SMARCAL1: variants seen among roughly 807,000 people sequenced by gnomAD.
The protein encoded by SMARCAL1 is SNF2 related chromatin remodeling annealing helicase 1.
Under a neutral mutation model 94.5 loss-of-function variants are expected in SMARCAL1, and 58 were observed. That is an observed-to-expected ratio of 0.61 (90% CI 0.50 to 0.76). The LOEUF is 0.76. SMARCAL1 is among the 30% of genes least tolerant of loss of function. The probability of loss-of-function intolerance (pLI) is 0.00; values close to 1 mark genes in which losing one functional copy is unlikely to be tolerated. For synonymous variants in SMARCAL1, 422 were observed against 455.1 expected (o/e 0.93, Z 0.93); for missense variants, 1,051 against 1,177.9 (o/e 0.89, Z 1.58).
At chr2:216,437,626 G>A (rs1284720545) in intron 9 of SMARCAL1, among the ~76,000 whole-genome samples, 3 of 152,110 alleles carry the variant, frequency 2.0e-5, no homozygotes, top group Non-Finnish European at 4.4e-5. Context: ...CAGAGAGGTG[G>A]TTGCTCAGAG....
intron 8 of SMARCAL1, among the ~76,000 whole-genome samples, chr2:216,433,588 G>A (rs1574457338): frequency 6.6e-6 from 1 of 152,178 alleles, no homozygotes; most frequent in East Asian, 1.9e-4. Context: ...TTTGCACTCT[G>A]TAGAGGGGGG....
chr2:216,444,536 A>G (rs1048703036), intron 10 of SMARCAL1, among the ~76,000 whole-genome samples: 2 of 152,144 alleles, frequency 1.3e-5, no homozygotes, highest in African/African-American at 4.8e-5. Context: ...TTTTTGAGAC[A>G]GAGTTTCACT....
intron 10 of SMARCAL1, among the ~76,000 whole-genome samples, chr2:216,439,733 A>G (rs957006092): frequency 1.3e-5 from 2 of 152,204 alleles, no homozygotes; most frequent in Non-Finnish European, 2.9e-5. Flanking sequence ...GGGTCATGTC[A>G]TGTGCCAAAC....
At chr2:216,450,752 G>A in intron 11 of SMARCAL1, 94 bp from the exon 12 acceptor site, 1 of 943,888 alleles carries the variant, frequency 1.1e-6, no homozygotes, top group Non-Finnish European at 1.7e-6. Context: ...GCCAGGGGTG[G>A]TTGTGAGAAG....
At chr2:216,432,915 G>A (rs1229488472) in intron 8 of SMARCAL1, 47 bp downstream of exon 8, 1 of 1,609,474 alleles carries the variant, frequency 6.2e-7, no homozygotes, top group Non-Finnish European at 8.5e-7. Context: ...GTTTTCTTCA[G>A]TGTTAGAGTC....
intron 10 of SMARCAL1, among the ~76,000 whole-genome samples, chr2:216,438,997 G>A (rs111767656): frequency 3.7e-3 from 569 of 152,266 alleles, no homozygotes; most frequent in Admixed American, 8.6e-3. Context: ...AAGGGCTGGC[G>A]GGGTCAGCGA....
intron 17 of SMARCAL1, 139 bp downstream of exon 17, chr2:216,478,438 C>G (rs1695135059): frequency 1.4e-6 from 1 of 731,548 alleles, no homozygotes; most frequent in Admixed American, 1.9e-5. Context: ...CAATGGCCTG[C>G]AGTCATTCTC....
chr2:216,446,943 C>T (rs771115079), intron 10 of SMARCAL1, 75 bp from the exon 11 acceptor site: 11 of 1,588,324 alleles, frequency 6.9e-6, no homozygotes, highest in Non-Finnish European at 9.5e-6. Context: ...CAGCTCCTCC[C>T]TCACTGGGGC....
chr2:216,463,656 T>G (rs1694758887), intron 12 of SMARCAL1, among the ~76,000 whole-genome samples: 1 of 152,226 alleles, frequency 6.6e-6, no homozygotes, highest in South Asian at 2.1e-4. Context: ...CACTTAAATG[T>G]AAACCATAAA....
chr2:216,482,627 T>G lies in SMARCAL1; in HGVS notation c.2626-111T>G, dbSNP rs1695225834. The G allele has an allele frequency of 8.1e-6, 12 of 1,475,906 alleles. No homozygotes were observed. In the South Asian group the frequency reaches 1.4e-4, roughly 17 times the overall value. 91.4% of individuals were successfully genotyped at this position (1,475,906 alleles called of 1,614,324 possible). On this transcript the variant is annotated intron_variant, in intron 17 of 17. Coordinates refer to ENST00000357276, the MANE Select transcript of SMARCAL1 (RefSeq NM_014140.4). This position sits in a 1 kb window ranked among gnomAD's most constrained non-coding sequence, Gnocchi z 4.3. ...GCCATCGTGTAGCTCCCTGACACCA[T>G]GAAATGTGTGGTCTCTCATCTTTAT...
Position 216,464,746 on chromosome 2 carries a change from T to C in SMARCAL1, c.2141+79T>C. On this transcript the variant is annotated intron_variant, in intron 13 of 17. Transcript: ENST00000357276. Reference sequence around the variant, plus strand: ...AAACAACTTATTACTTTATTCTGCCTGAATGATTTTACTGCGTCTAAGAAA... The same window carrying C: ...AAACAACTTATTACTTTATTCTGCCCGAATGATTTTACTGCGTCTAAGAAA... 5.9e-6 allele frequency: 6 copies of C among 1,010,572 alleles called. No individual in the cohort carries two copies. In the South Asian group the frequency reaches 6.4e-5, roughly 11 times the overall value. The allele number at this position is 1,010,572 out of a possible 1,614,324, so 62.6% of individuals were successfully genotyped here.
At chr2:216,425,360 C>T (rs1693808339) in intron 6 of SMARCAL1, among the ~76,000 whole-genome samples, 1 of 152,240 alleles carries the variant, frequency 6.6e-6, no homozygotes, top group Admixed American at 6.5e-5. Context: ...CCTTGGGCAC[C>T]AGCGGCTGGA....
intron 11 of SMARCAL1, among the ~76,000 whole-genome samples, chr2:216,447,754 A>G (rs1486864225): frequency 6.6e-6 from 1 of 152,204 alleles, no homozygotes; most frequent in Non-Finnish European, 1.5e-5. Flanking sequence ...GTGCAGTGCC[A>G]ATGGCGCAGG....
chr2:216,432,741 G>T lies in SMARCAL1; in HGVS notation c.1358G>T (p.Arg453Leu). 1 of 1,614,128 alleles carries T rather than the reference G, an allele frequency of 6.2e-7. No individual in the cohort carries two copies. Among genetic ancestry groups the T allele is most frequent in the Non-Finnish European group, 8.5e-7 (1 of 1,180,012 alleles). The change falls in exon 8 of 18, where the codon CGC (arginine) becomes CTC (leucine). Residue 453 changes from arginine (R) to leucine (L), a missense_variant. Arg to Leu is a moderately radical substitution (Grantham distance 102). This residue lies in a region of SMARCAL1 where 642 missense variants were observed against 754.7 expected (regional missense o/e 0.85). Coordinates refer to ENST00000357276, the MANE Select transcript of SMARCAL1 (RefSeq NM_014140.4). ...GVNFAIAKGGRLLLADDMGLG... is the reference protein window; with the variant it reads ...GVNFAIAKGGLLLLADDMGLG... ...AGTTTTGCCATAGCCAAAGGAGGCC[G>T]CCTGCTGCTCGCTGACGACATGGGC...
rs967476151 is a variant in SMARCAL1 at position 216,482,240 on chromosome 2, C to A, written c.2626-498C>A. Among the ~76,000 whole-genome samples the A allele has an allele frequency of 1.3e-5, 2 of 152,046 alleles. No individual in the cohort carries two copies. Among genetic ancestry groups the A allele is most frequent in the Non-Finnish European group, 2.9e-5 (2 of 68,012 alleles). ...AGCTGAGGTGGGCAGATCATTTGAG[C>A]TCAGGAGTTCGAGACCAGCCTGGGC... On this transcript the variant is annotated intron_variant, in intron 17 of 17. Transcript: ENST00000357276. This position sits in a 1 kb window ranked among gnomAD's most constrained non-coding sequence, Gnocchi z 4.3.
intron 12 of SMARCAL1, among the ~76,000 whole-genome samples, chr2:216,454,083 A>T (rs77309915): frequency 7.9e-5 from 12 of 152,374 alleles, no homozygotes; most frequent in African/African-American, 1.2e-4. Flanking sequence ...TAACAATATC[A>T]GTTCACCCTT....
intron 7 of SMARCAL1, among the ~76,000 whole-genome samples, 191 bp from the exon 8 acceptor site, chr2:216,432,527 C>A (rs1263728770): frequency 6.6e-6 from 1 of 152,202 alleles, no homozygotes; most frequent in Non-Finnish European, 1.5e-5. Flanking sequence ...TTCTCTCTCT[C>A]TCTCTCTCTT....
intron 11 of SMARCAL1, among the ~76,000 whole-genome samples, chr2:216,448,205 CT>C (rs1694360404): frequency 6.6e-6 from 1 of 152,184 alleles, no homozygotes; most frequent in Admixed American, 6.5e-5. Flanking sequence ...CCGTACACTT[CT>C]TTAATCATAT....
rs773587466 is a variant in SMARCAL1, at chr2:216,428,648, T to C, written c.1200T>C (p.Thr400=). The part of the protein sequence containing the change: ...PQVQLDPLPT[T]LTLAFASQLK... ...TTCAGCTGGACCCTCTGCCCACGAC[T>C]CTCACCCTGGCGTTTGCTTCTCAGC... The change falls in exon 7 of 18, where the codon ACT becomes ACC. Residue 400 remains threonine (T), a synonymous_variant. Transcript: ENST00000357276. The C allele has an allele frequency of 6.2e-7, 1 of 1,614,224 alleles. No homozygotes were observed. Among genetic ancestry groups the C allele is most frequent in the Non-Finnish European group, 8.5e-7 (1 of 1,180,030 alleles).
Sources: gnomAD v4.1 joint callset for allele counts (sites outside exome capture counted in the v4.1 genomes callset) on GRCh38, gnomAD v4.1.1 for gene constraint, gnomAD v4.1.1 regional missense constraint, Gnocchi (gnomAD v3.1) non-coding constraint, MANE v1.5 for transcripts, NCBI Gene and HGNC (gene_info 2026-07-23, HGNC 2026-07-21) for gene names.